The following DIAPH3 variants were observed in gnomAD, a reference collection of about 807,000 sequenced individuals.
DIAPH3 encodes the protein diaphanous related formin 3.
Under a neutral mutation model 144.3 loss-of-function variants are expected in DIAPH3, and 117 were observed. The observed-to-expected ratio is 0.81, with a 90% CI of 0.70 to 0.95. The LOEUF is 0.95. Ranked by LOEUF, DIAPH3 falls within the 40% of genes least tolerant of loss-of-function variation. The pLI is 0.00. For synonymous variants in DIAPH3, 519 were observed against 488.9 expected, an observed-to-expected ratio of 1.06 and a Z score of -0.81; for missense variants, 1,421 against 1,412.7, an observed-to-expected ratio of 1.01 and a Z score of -0.09.
At chr13:59,761,289 A>T (rs1002826185) in intron 27 of DIAPH3, among the ~76,000 whole-genome samples, 3 of 152,098 alleles carry the variant, frequency 2.0e-5, no homozygotes, top group African/African-American at 7.2e-5. Flanking sequence ...ACTTCTTTAT[A>T]AAAAAAGTCA....
At chr13:60,103,099 C>T (rs1239688352) in intron 3 of DIAPH3, among the ~76,000 whole-genome samples, 1 of 152,004 alleles carries the variant, frequency 6.6e-6, no homozygotes, top group East Asian at 1.9e-4. Flanking sequence ...CCCTACTAGA[C>T]TGATTTTTTA....
At chr13:59,781,437 G>A (rs954223137) in intron 25 of DIAPH3, among the ~76,000 whole-genome samples, 1 of 152,132 alleles carries the variant, frequency 6.6e-6, no homozygotes, top group Non-Finnish European at 1.5e-5. Flanking sequence ...GGGTAGAATA[G>A]TAAGAAAGAG....
chr13:60,031,466 G>A (rs535825475), intron 5 of DIAPH3, among the ~76,000 whole-genome samples: 27 of 152,232 alleles, frequency 1.8e-4, no homozygotes, highest in African/African-American at 6.3e-4. Flanking sequence ...ATTGCAAAAT[G>A]TGATCATGCC....
chr13:60,125,029 G>C (rs1310548977), intron 2 of DIAPH3, among the ~76,000 whole-genome samples: 1 of 152,024 alleles, frequency 6.6e-6, no homozygotes, highest in Non-Finnish European at 1.5e-5. Context: ...TCTTCCCCCA[G>C]TTTCCCCATC....
At chr13:59,910,670 G>A (rs150803342) in intron 20 of DIAPH3, among the ~76,000 whole-genome samples, 368 of 151,302 alleles carry the variant, frequency 2.4e-3, no homozygotes, top group Middle Eastern at 0.01. Context: ...CGCAGGTTTT[G>A]GTGAGTCGAG....
At chr13:59,741,826 G>C (rs1350914228) in intron 27 of DIAPH3, among the ~76,000 whole-genome samples, 1 of 151,962 alleles carries the variant, frequency 6.6e-6, no homozygotes, top group Non-Finnish European at 1.5e-5. Context: ...AAATGACATA[G>C]GGGGTAAAAT....
chr13:59,713,609 G>A (rs2138847525), intron 27 of DIAPH3, among the ~76,000 whole-genome samples: 1 of 136,716 alleles, frequency 7.3e-6, no homozygotes, highest in African/African-American at 2.7e-5. Context: ...GGACTAAAGT[G>A]AGTTAATATT....
At chr13:60,108,446 C>A (rs1398371577) in intron 3 of DIAPH3, among the ~76,000 whole-genome samples, 1 of 151,384 alleles carries the variant, frequency 6.6e-6, no homozygotes, top group African/African-American at 2.4e-5. Context: ...ACATCTCTAC[C>A]AAAAATACAA....
chr13:59,781,692 T>C (rs552093535), intron 25 of DIAPH3, among the ~76,000 whole-genome samples: 1 of 152,352 alleles, frequency 6.6e-6, no homozygotes, highest in East Asian at 1.9e-4. Flanking sequence ...GTAACAGGTA[T>C]GTATGTACAA....
intron 5 of DIAPH3, among the ~76,000 whole-genome samples, chr13:60,035,367 C>T (rs930449971): frequency 1.3e-5 from 2 of 152,028 alleles, no homozygotes; most frequent in Admixed American, 1.3e-4. Context: ...GAATGAATGA[C>T]GGTATACAAA....
intron 27 of DIAPH3, among the ~76,000 whole-genome samples, chr13:59,682,910 A>G (rs2033018483): frequency 2.0e-5 from 3 of 152,206 alleles, no homozygotes. Flanking sequence ...TTCAAAGTAG[A>G]GTCTATGTAC....
At chr13:59,832,456 A>G (rs1169626916) in intron 24 of DIAPH3, among the ~76,000 whole-genome samples, 1 of 151,884 alleles carries the variant, frequency 6.6e-6, no homozygotes, top group Non-Finnish European at 1.5e-5. Flanking sequence ...CCATCTATTA[A>G]GAATAACAAT....
chr13:59,990,222 C>T (rs2051723050), intron 12 of DIAPH3, among the ~76,000 whole-genome samples: 2 of 151,836 alleles, frequency 1.3e-5, no homozygotes, highest in South Asian at 4.1e-4. Context: ...CATGTCCTAT[C>T]CTCATCCTGA....
At position 60,163,855 on chromosome 13, in the gene DIAPH3, C is replaced by G; in HGVS notation, c.-89G>C. The G allele has an allele frequency of 6.7e-7, 1 of 1,485,920 alleles. No individual in the cohort carries two copies. Among genetic ancestry groups the G allele is most frequent in the Non-Finnish European group, 9.0e-7 (1 of 1,111,496 alleles). The allele number at this position is 1,485,920 out of a possible 1,614,324, so 92.0% of individuals were successfully genotyped here. Reference sequence around the variant, plus strand: ...TGAGGGATCGACAACAGGTTTTACTCCCGGGGTCCGCCACCCAAACAGTCA... The same window carrying G: ...TGAGGGATCGACAACAGGTTTTACTGCCGGGGTCCGCCACCCAAACAGTCA... On this transcript the variant is annotated 5_prime_UTR_variant, in exon 1 of 28. Transcript: ENST00000400324.
At chr13:59,846,925 A>G (rs1285892001) in intron 22 of DIAPH3, among the ~76,000 whole-genome samples, 2 of 152,092 alleles carry the variant, frequency 1.3e-5, no homozygotes, top group Non-Finnish European at 2.9e-5. Flanking sequence ...ATTTTTTTAA[A>G]AAGATTAGCC....
At chr13:60,008,186 G>T (rs1171816609) in intron 9 of DIAPH3, among the ~76,000 whole-genome samples, 1 of 152,114 alleles carries the variant, frequency 6.6e-6, no homozygotes. Context: ...GAGATCAGGA[G>T]ATCGAGACCA....
intron 4 of DIAPH3, among the ~76,000 whole-genome samples, chr13:60,070,872 T>C (rs1371258358): frequency 6.6e-6 from 1 of 152,230 alleles, no homozygotes; most frequent in Non-Finnish European, 1.5e-5. Flanking sequence ...AACATATCAT[T>C]ACATGGTTTA....
At chr13:59,905,999 C>T (rs2046714843) in intron 20 of DIAPH3, among the ~76,000 whole-genome samples, 1 of 152,138 alleles carries the variant, frequency 6.6e-6, no homozygotes, top group African/African-American at 2.4e-5. Flanking sequence ...TATAGTCCTA[C>T]TTCATAAATA....
intron 27 of DIAPH3, among the ~76,000 whole-genome samples, chr13:59,676,093 T>C (rs1772141494): frequency 6.6e-6 from 1 of 152,244 alleles, no homozygotes; most frequent in Non-Finnish European, 1.5e-5. Context: ...GAATAACTTA[T>C]GCTATTTCTG....
Sources: gnomAD v4.1 joint callset for allele counts (sites outside exome capture counted in the v4.1 genomes callset) on GRCh38, gnomAD v4.1.1 for gene constraint, MANE v1.5 for transcripts, NCBI Gene and HGNC (gene_info 2026-07-23, HGNC 2026-07-21) for gene names.